KANSL1L: variants seen among roughly 807,000 people sequenced by gnomAD.
KANSL1L encodes the protein KAT8 regulatory NSL complex subunit 1 like.
In KANSL1L, 25 loss-of-function variants were observed where a neutral mutation model predicts 108.6. That is an observed-to-expected ratio of 0.23 (90% CI 0.17 to 0.32). The LOEUF (loss-of-function observed/expected upper bound fraction) is 0.32. Ranked by LOEUF, KANSL1L falls within the 10% of genes least tolerant of loss-of-function variation. KANSL1L has a pLI of 1.00. For synonymous variants in KANSL1L, 405 were observed against 395.1 expected (o/e 1.03, Z -0.30); for missense variants, 1,137 against 1,125.7 (o/e 1.01, Z -0.14).
chr2:210,085,753 A>C (rs1024095346), intron 5 of KANSL1L, among the ~76,000 whole-genome samples: 1 of 151,594 alleles, frequency 6.6e-6, no homozygotes, highest in African/African-American at 2.4e-5. Context: ...TTTCCATATG[A>C]TTATATATTT....
chr2:210,092,938 T>G (rs576814995), intron 5 of KANSL1L, among the ~76,000 whole-genome samples: 3 of 152,258 alleles, frequency 2.0e-5, no homozygotes, highest in African/African-American at 7.2e-5. Flanking sequence ...GTTTTTTTTT[T>G]TTAATCTTCT....
intron 2 of KANSL1L, among the ~76,000 whole-genome samples, chr2:210,143,595 T>C (rs2095245313): frequency 6.6e-6 from 1 of 152,168 alleles, no homozygotes; most frequent in African/African-American, 2.4e-5. Flanking sequence ...ATTATATGCC[T>C]GGATTCCTTT....
At chr2:210,114,560 A>G (rs1480848006) in intron 3 of KANSL1L, among the ~76,000 whole-genome samples, 2 of 152,172 alleles carry the variant, frequency 1.3e-5, no homozygotes, top group Non-Finnish European at 2.9e-5. Flanking sequence ...GCATAATTAT[A>G]ACAGCTAGTA....
chr2:210,140,769 A>G (rs764254912), intron 2 of KANSL1L, among the ~76,000 whole-genome samples: 1 of 152,174 alleles, frequency 6.6e-6, no homozygotes, highest in Non-Finnish European at 1.5e-5. Flanking sequence ...CAACTCTTCC[A>G]ATCCGTGAAC....
rs546502144 is a variant in KANSL1L, at chr2:210,150,587, A to T, written c.1088+2908T>A. On this transcript the variant is annotated intron_variant, in intron 2 of 14. Transcript: ENST00000281772. ...TACCTGAGGTCAAGAGCTTGAGACC[A>T]GCTTGACCAACATGGAGAAACCCTA... 2.8e-4 allele frequency among the ~76,000 whole-genome samples: 43 copies of T among 152,210 alleles called. No individual in the cohort carries two copies. In the South Asian group the frequency reaches 8.9e-3, roughly 32 times the overall value.
At chr2:210,136,801 A>C (rs989086423) in intron 2 of KANSL1L, among the ~76,000 whole-genome samples, 4 of 152,242 alleles carry the variant, frequency 2.6e-5, no homozygotes, top group Non-Finnish European at 5.9e-5. Context: ...GATAAAAATT[A>C]AAACTACCTT....
intron 6 of KANSL1L, among the ~76,000 whole-genome samples, chr2:210,053,626 T>C (rs936513088): frequency 1.1e-4 from 17 of 151,986 alleles, no homozygotes; most frequent in African/African-American, 3.9e-4. Flanking sequence ...AAATACAAGA[T>C]AATTATTTTG....
intron 6 of KANSL1L, among the ~76,000 whole-genome samples, chr2:210,045,025 C>A (rs2094209180): frequency 6.6e-6 from 1 of 152,156 alleles, no homozygotes; most frequent in Non-Finnish European, 1.5e-5. Context: ...CTGCCTCCAT[C>A]TCCCAAAGTG....
chr2:210,105,024 T>C (rs751162676), intron 3 of KANSL1L, among the ~76,000 whole-genome samples: 2 of 152,118 alleles, frequency 1.3e-5, no homozygotes, highest in Non-Finnish European at 2.9e-5. Context: ...CTCACAAACA[T>C]ACTTATTCCT....
At position 210,153,498 on chromosome 2, in the gene KANSL1L, G is replaced by C; in HGVS notation, c.1085C>G (p.Ala362Gly). ...LDEYTLRKNV[A>G]VNCSTEWKWL... Reference sequence around the variant, plus strand: ...CTAATAATAATTTTGCACTTACACTGCCACATTTTTTCTAAGGGTATATTC... The same window carrying C: ...CTAATAATAATTTTGCACTTACACTCCCACATTTTTTCTAAGGGTATATTC... The change falls in exon 2 of 15, where the codon GCA becomes GGA. Residue 362 changes from alanine to glycine, a missense_variant. Ala to Gly is a moderately conservative substitution (Grantham distance 60). Transcript: ENST00000281772. 2 of 1,613,320 alleles carry C rather than the reference G, an allele frequency of 1.2e-6. No homozygotes were observed. Among genetic ancestry groups the C allele is most frequent in the Non-Finnish European group, 1.7e-6 (2 of 1,179,686 alleles).
At chr2:210,160,280 G>A (rs1201504619) in intron 1 of KANSL1L, among the ~76,000 whole-genome samples, 1 of 152,042 alleles carries the variant, frequency 6.6e-6, no homozygotes, top group African/African-American at 2.4e-5. Context: ...TGGGAATGAG[G>A]CAAGGTAGAC....
chr2:210,117,317 C>T (rs576474339), intron 3 of KANSL1L, among the ~76,000 whole-genome samples: 12 of 152,134 alleles, frequency 7.9e-5, no homozygotes, highest in East Asian at 1.9e-4. Flanking sequence ...AAGAGATCAG[C>T]GTAGAAAGTA....
At chr2:210,091,043 A>G (rs1376042091) in intron 5 of KANSL1L, among the ~76,000 whole-genome samples, 1 of 152,176 alleles carries the variant, frequency 6.6e-6, no homozygotes, top group Non-Finnish European at 1.5e-5. Flanking sequence ...ATTGCCTTCT[A>G]AAAGTATGTA....
At chr2:210,145,541 T>C (rs972345780) in intron 2 of KANSL1L, among the ~76,000 whole-genome samples, 2 of 152,296 alleles carry the variant, frequency 1.3e-5, no homozygotes, top group South Asian at 2.1e-4. Flanking sequence ...CTCACTGTGG[T>C]AGAAGTAGTT....
intron 1 of KANSL1L, among the ~76,000 whole-genome samples, chr2:210,168,069 G>T (rs1024381625): frequency 6.6e-6 from 1 of 152,030 alleles, no homozygotes; most frequent in Non-Finnish European, 1.5e-5. Context: ...ATGATTCAGG[G>T]TCATCATGAT....
chr2:210,058,040 T>G (rs1177891760), intron 6 of KANSL1L, among the ~76,000 whole-genome samples: 2 of 152,184 alleles, frequency 1.3e-5, no homozygotes, highest in Non-Finnish European at 2.9e-5. Context: ...GAGATAACCT[T>G]AAACTCTGAC....
At chr2:210,052,369 C>A (rs1553644966) in intron 6 of KANSL1L, among the ~76,000 whole-genome samples, 1 of 152,122 alleles carries the variant, frequency 6.6e-6, no homozygotes, top group Non-Finnish European at 1.5e-5. Flanking sequence ...TTTAGTACAA[C>A]AGGCTGCCCT....
At chr2:210,085,655 T>A (rs1438963394) in intron 5 of KANSL1L, among the ~76,000 whole-genome samples, 1 of 152,026 alleles carries the variant, frequency 6.6e-6, no homozygotes, top group Admixed American at 6.6e-5. Context: ...TTTTCATTTA[T>A]ACCCTTCACA....
chr2:210,040,339 T>C (rs565219358), intron 8 of KANSL1L, 81 bp downstream of exon 8: 2 of 719,288 alleles, frequency 2.8e-6, no homozygotes, highest in African/African-American at 1.8e-5. Context: ...TCTTAGATTT[T>C]ATTTTTCTTA....
Sources: gnomAD v4.1 joint callset for allele counts (sites outside exome capture counted in the v4.1 genomes callset) on GRCh38, gnomAD v4.1.1 for gene constraint, MANE v1.5 for transcripts, NCBI Gene and HGNC (gene_info 2026-07-23, HGNC 2026-07-21) for gene names.